MET: variants seen among roughly 807,000 people sequenced by gnomAD.
The protein encoded by MET is hepatocyte growth factor receptor.
A neutral mutation model predicts 133.1 loss-of-function variants in MET; 48 were observed. The ratio of observed to expected loss-of-function variants is 0.36; its 90% CI spans 0.29 to 0.46. MET has a LOEUF of 0.46. MET is among the 20% of genes least tolerant of loss of function. The pLI is 1.00. For missense variants in MET, 1,442 were observed against 1,695.9 expected (o/e 0.85, Z 2.63); for synonymous variants, 628 against 616.5 (o/e 1.02, Z -0.28).
At chr7:116,724,951 A>G (rs1172357278) in intron 2 of MET, 17 of 972,080 alleles carry the variant, frequency 1.7e-5, no homozygotes, top group Non-Finnish European at 2.3e-5. Flanking sequence ...AACACATTGT[A>G]AACACTAGGA....
intron 1 of MET, among the ~76,000 whole-genome samples, chr7:116,676,592 A>C (rs1796167357): frequency 6.6e-6 from 1 of 152,230 alleles, no homozygotes; most frequent in Admixed American, 6.5e-5. Context: ...GTAGAATAAA[A>C]TGGAAAAGAG....
At chr7:116,676,995 T>TG (rs574207921) in intron 1 of MET, among the ~76,000 whole-genome samples, 33 of 151,602 alleles carry the variant, frequency 2.2e-4, no homozygotes, top group Non-Finnish European at 4.7e-4. Flanking sequence ...TTTGTTTTTT[T>TG]TTTTGTTTTT....
intron 2 of MET, among the ~76,000 whole-genome samples, chr7:116,724,403 A>G (rs1252968703): frequency 6.6e-6 from 1 of 152,182 alleles, no homozygotes; most frequent in Admixed American, 6.5e-5. Context: ...AGTACCTCAG[A>G]TGGAAATGCA....
chr7:116,795,362 G>A lies in MET; in HGVS notation c.3799-293G>A, dbSNP rs41735. On this transcript the variant is annotated intron_variant, in intron 19 of 20. Transcript: ENST00000397752. ...AAACATGTTAGTGCTTTGACACAGC[G>A]GGAGAGAATTTTGGAAGAGATATTC... 0.35 allele frequency among the ~76,000 whole-genome samples: 53,022 copies of A among 152,036 alleles called. 11,144 individuals are homozygous for A. Among genetic ancestry groups the A allele is most frequent in the East Asian group, 0.47 (2,436 of 5,178 alleles).
rs538642016 is a variant in MET at position 116,731,977 on chromosome 7, T to A, written c.1392+118T>A. On this transcript the variant is annotated intron_variant, in intron 3 of 20. Coordinates refer to ENST00000397752, the MANE Select transcript of MET (RefSeq NM_000245.4). The stretch of plus-strand genomic sequence containing the variant: ...GTAAAGTCCAAATCATAGTAGAAAC[T>A]GGAACACAGACTGAAAGCCAAACAA... 283 of 987,182 alleles carry A rather than the reference T, an allele frequency of 2.9e-4. 2 individuals are homozygous for A. In the African/African-American group the frequency reaches 4.1e-3, roughly 14 times the overall value. The allele number at this position is 987,182 out of a possible 1,614,324, so 61.2% of individuals were successfully genotyped here.
At chr7:116,762,851 T>G (rs1380753371) in intron 10 of MET, among the ~76,000 whole-genome samples, 199 bp from the exon 11 acceptor site, 1 of 152,226 alleles carries the variant, frequency 6.6e-6, no homozygotes, top group Non-Finnish European at 1.5e-5. Flanking sequence ...GAGCTCTGTG[T>G]TTCTTTGAAG....
chr7:116,725,569 A>C (rs1361444629), intron 2 of MET, among the ~76,000 whole-genome samples: 1 of 151,112 alleles, frequency 6.6e-6, no homozygotes, highest in Non-Finnish European at 1.5e-5. Context: ...TCATTGTACA[A>C]ACATCATAGA....
intron 2 of MET, among the ~76,000 whole-genome samples, chr7:116,722,395 T>A (rs1792530011): frequency 6.6e-6 from 1 of 150,516 alleles, no homozygotes; most frequent in Non-Finnish European, 1.5e-5. Context: ...GAGATGGGTT[T>A]CCTGAATACA....
intron 5 of MET, among the ~76,000 whole-genome samples, chr7:116,745,932 G>A (rs534809311): frequency 2.0e-5 from 3 of 152,232 alleles, no homozygotes; most frequent in African/African-American, 4.8e-5. Context: ...TGACAAATGG[G>A]ATCTAATTAA....
At chr7:116,777,357 G>T (rs775200178) in intron 15 of MET, 32 bp from the exon 16 acceptor site, 4 of 1,524,228 alleles carry the variant, frequency 2.6e-6, no homozygotes, top group Non-Finnish European at 3.6e-6. Context: ...TAAATGTTAC[G>T]CAGTGCTAAC....
intron 19 of MET, among the ~76,000 whole-genome samples, chr7:116,789,358 C>T (rs1388129177): frequency 6.6e-6 from 1 of 152,176 alleles, no homozygotes; most frequent in Non-Finnish European, 1.5e-5. Context: ...CAAACTCTTT[C>T]CTGCCAAACC....
At chr7:116,754,804 C>T (rs924584903) in intron 5 of MET, among the ~76,000 whole-genome samples, 2 of 147,810 alleles carry the variant, frequency 1.4e-5, no homozygotes, top group African/African-American at 5.0e-5. Flanking sequence ...ACAACAGAGC[C>T]AGACTCTGTC....
At chr7:116,716,287 GAGAGAGAGAGAGA>G (rs1792192938) in intron 2 of MET, among the ~76,000 whole-genome samples, 18 of 20,788 alleles carry the variant, frequency 8.7e-4, no homozygotes, top group Admixed American at 1.4e-3. Context: ...GAGAGAGGGA[GAGAGAGAGAGAGA>G]GAGAGAGAGA....
At chr7:116,728,235 G>A (rs1164705504) in intron 2 of MET, among the ~76,000 whole-genome samples, 1 of 152,144 alleles carries the variant, frequency 6.6e-6, no homozygotes, top group East Asian at 1.9e-4. Flanking sequence ...AATCACACAA[G>A]ATCAAGAAGT....
intron 5 of MET, among the ~76,000 whole-genome samples, chr7:116,755,038 A>AAGAAAG (rs1219970078): frequency 6.6e-6 from 1 of 151,690 alleles, no homozygotes; most frequent in Admixed American, 6.6e-5. Flanking sequence ...GAAAGAAAGA[A>AAGAAAG]AGAAAAGAAA....
chr7:116,772,041 G>T (rs867883956), intron 14 of MET, 52 bp downstream of exon 14: 1 of 1,593,498 alleles, frequency 6.3e-7, no homozygotes, highest in Non-Finnish European at 8.6e-7. Flanking sequence ...ACCTCAGTGG[G>T]TTGTGACATT....
chr7:116,775,275 A>T (rs1201911964), intron 15 of MET, among the ~76,000 whole-genome samples, 164 bp downstream of exon 15: 1 of 152,238 alleles, frequency 6.6e-6, no homozygotes, highest in South Asian at 2.1e-4. Context: ...CCTGTAAATC[A>T]TATCCGTGGG....
intron 2 of MET, among the ~76,000 whole-genome samples, chr7:116,714,358 T>C (rs911016293): frequency 1.3e-5 from 2 of 152,230 alleles, no homozygotes; most frequent in Non-Finnish European, 2.9e-5. Flanking sequence ...TATACACATA[T>C]ACATAAAATA....
Position 116,741,007 on chromosome 7 carries a change from TCTGC to T in MET, c.1688_1691del (p.Pro563GlnfsTer18). On this transcript the variant is annotated frameshift_variant, in exon 5 of 21. Transcript: ENST00000397752. LOFTEE classifies it high-confidence loss of function. The stretch of plus-strand genomic sequence containing the variant: ...GCGGGACATGGACTCAACAGATCTG[TCTGC>T]CTGCAATCTACAAGGTAGGAATCTC... 1 of 1,613,434 alleles carries T rather than the reference TCTGC, an allele frequency of 6.2e-7. No homozygotes were observed. Among genetic ancestry groups the T allele is most frequent in the Non-Finnish European group, 8.5e-7 (1 of 1,179,906 alleles).
Sources: allele counts gnomAD v4.1 joint callset (sites outside exome capture counted in the v4.1 genomes callset), GRCh38; gene constraint gnomAD v4.1.1; transcripts MANE v1.5; gene names NCBI Gene and HGNC (gene_info 2026-07-23, HGNC 2026-07-21).